RYR2: variants seen among roughly 807,000 people sequenced by gnomAD.
RYR2 encodes the protein cardiac muscle ryanodine receptor-calcium release channel.
RYR2 carries 227 observed loss-of-function variants against 601.1 expected under a neutral mutation model. That is an observed-to-expected ratio of 0.38 (90% CI 0.34 to 0.42). The LOEUF (loss-of-function observed/expected upper bound fraction) is 0.42, where lower values mean the gene tolerates loss of function less well. Among genes scored for constraint, RYR2 ranks in the 10% least tolerant of loss-of-function variants. RYR2 has a pLI of 1.00. For synonymous variants in RYR2, 2,223 were observed against 2,175.1 expected (o/e 1.02, Z -0.61); for missense variants, 4,646 against 6,156.5 (o/e 0.75, Z 8.21).
chr1:237,462,029 AAT>A (rs1659540576), intron 16 of RYR2, among the ~76,000 whole-genome samples: 1 of 152,184 alleles, frequency 6.6e-6, no homozygotes, highest in Non-Finnish European at 1.5e-5. Flanking sequence ...CATATACCTA[AAT>A]ATATACTTCA....
At chr1:237,663,022 A>C (rs1469767861) in intron 56 of RYR2, among the ~76,000 whole-genome samples, 1 of 152,202 alleles carries the variant, frequency 6.6e-6, no homozygotes, top group Non-Finnish European at 1.5e-5. Context: ...TAAATGAAAG[A>C]GTATATTTGT....
chr1:237,644,493 A>G (rs1681920209), intron 48 of RYR2, among the ~76,000 whole-genome samples: 1 of 152,070 alleles, frequency 6.6e-6, no homozygotes, highest in Non-Finnish European at 1.5e-5. Context: ...CAGCCTCCCA[A>G]AGTGCTGGGT....
intron 102 of RYR2, among the ~76,000 whole-genome samples, chr1:237,829,762 C>G (rs1379827128): frequency 6.6e-6 from 1 of 152,168 alleles, no homozygotes; most frequent in Non-Finnish European, 1.5e-5. Context: ...TGGCATAAAA[C>G]AGCTTACAAC....
Position 237,657,874 on chromosome 1 carries a change from G to A in RYR2, c.8130-70G>A, listed in dbSNP as rs988918954. 6 of 836,344 alleles carry A rather than the reference G, an allele frequency of 7.2e-6. No individual in the cohort carries two copies. The Admixed American group carries it at 8.0e-5, about 11-fold the overall frequency. The allele number at this position is 836,344 out of a possible 1,614,324, so 51.8% of individuals were successfully genotyped here. Reference sequence around the variant, plus strand: ...AGATATAAGCATTCATAAGCTGTGAGTAAATTATTAATATGATTTCCTGTA... The same window carrying A: ...AGATATAAGCATTCATAAGCTGTGAATAAATTATTAATATGATTTCCTGTA... On this transcript the variant is annotated intron_variant, in intron 53 of 104. Coordinates refer to ENST00000366574, the MANE Select transcript of RYR2 (RefSeq NM_001035.3).
intron 1 of RYR2, among the ~76,000 whole-genome samples, chr1:237,228,764 A>G (rs532338166): frequency 1.3e-5 from 2 of 152,218 alleles, no homozygotes; most frequent in East Asian, 3.9e-4. Flanking sequence ...CCTTCCTCAT[A>G]AGGGAAAAAA....
intron 22 of RYR2, among the ~76,000 whole-genome samples, 165 bp from the exon 23 acceptor site, chr1:237,506,543 GAA>G (rs368515743): frequency 4.5e-5 from 6 of 134,768 alleles, no homozygotes; most frequent in Non-Finnish European, 4.8e-5. Context: ...GTCTCAAGGG[GAA>G]AAAAAAAAAA....
chr1:237,089,783 A>G (rs1241798819), intron 1 of RYR2, among the ~76,000 whole-genome samples: 1 of 152,220 alleles, frequency 6.6e-6, no homozygotes, highest in Admixed American at 6.5e-5. Context: ...GTGGGAGTAT[A>G]TAGTGAATTT....
chr1:237,507,226 A>G (rs1191191999), intron 23 of RYR2, among the ~76,000 whole-genome samples: 1 of 152,234 alleles, frequency 6.6e-6, no homozygotes, highest in South Asian at 2.1e-4. Flanking sequence ...TTCAGTTCCA[A>G]TTGTGTGTAA....
chr1:237,811,036 T>C (rs1020235512), intron 100 of RYR2, among the ~76,000 whole-genome samples: 2 of 152,148 alleles, frequency 1.3e-5, no homozygotes, highest in Admixed American at 1.3e-4. Flanking sequence ...TGCTTTTCAT[T>C]TTATAGACTT....
chr1:237,582,603 G>GT (rs1259347290), intron 29 of RYR2, among the ~76,000 whole-genome samples: 4 of 152,066 alleles, frequency 2.6e-5, no homozygotes, highest in East Asian at 3.9e-4. Context: ...CCCAGTTTCT[G>GT]TTTTTGCCAT....
chr1:237,374,352 C>T (rs1265333936), intron 6 of RYR2, among the ~76,000 whole-genome samples: 1 of 150,554 alleles, frequency 6.6e-6, no homozygotes, highest in African/African-American at 2.5e-5. Flanking sequence ...GAGATCTCAT[C>T]TCTATGGAAA....
At chr1:237,510,539 T>C (rs903743697) in intron 23 of RYR2, among the ~76,000 whole-genome samples, 6 of 152,260 alleles carry the variant, frequency 3.9e-5, no homozygotes, top group Non-Finnish European at 8.8e-5. Context: ...TATATGATTC[T>C]ATATAAGTCT....
At chr1:237,043,308 C>T (rs1660156822) in intron 1 of RYR2, among the ~76,000 whole-genome samples, 1 of 152,098 alleles carries the variant, frequency 6.6e-6, no homozygotes, top group Non-Finnish European at 1.5e-5. Flanking sequence ...TGTGCGCGCG[C>T]GCGGGTGGTG....
chr1:237,611,532 G>A (rs957469992), intron 36 of RYR2, among the ~76,000 whole-genome samples: 9 of 152,074 alleles, frequency 5.9e-5, no homozygotes, highest in South Asian at 2.1e-4. Flanking sequence ...GTACTCAAAG[G>A]TATTTGAGTA....
chr1:237,270,706 A>G, intron 2 of RYR2, 90 bp downstream of exon 2: 1 of 1,354,822 alleles, frequency 7.4e-7, no homozygotes, highest in African/African-American at 1.5e-5. Context: ...TTTTCTGTGG[A>G]ATACATACTA....
At chr1:237,526,466 C>T (rs1359947368) in intron 24 of RYR2, among the ~76,000 whole-genome samples, 1 of 151,924 alleles carries the variant, frequency 6.6e-6, no homozygotes, top group East Asian at 1.9e-4. Flanking sequence ...TCTGCCTCAG[C>T]CTTTAGAGTA....
intron 56 of RYR2, among the ~76,000 whole-genome samples, chr1:237,663,988 C>G (rs1332670063): frequency 6.6e-6 from 1 of 152,054 alleles, no homozygotes; most frequent in Non-Finnish European, 1.5e-5. Context: ...GGGTTTTGAC[C>G]CCCTCCTTGG....
rs527835577 is a variant in RYR2, at chr1:237,087,642, T to G, written c.48+45073T>G. Among the ~76,000 whole-genome samples the G allele has an allele frequency of 2.6e-5, 4 of 152,126 alleles. No homozygotes were observed. In the East Asian group the frequency reaches 7.7e-4, roughly 29 times the overall value. On this transcript the variant is annotated intron_variant, in intron 1 of 104. Coordinates refer to ENST00000366574, the MANE Select transcript of RYR2 (RefSeq NM_001035.3). ...TTCGTATATCTTGTTAGAAACCAAG[T>G]GCATGGAAGTTGAATTTATCAGTGG...
chr1:237,170,306 C>G (rs530207889), intron 1 of RYR2, among the ~76,000 whole-genome samples: 69 of 152,234 alleles, frequency 4.5e-4, no homozygotes, highest in African/African-American at 1.5e-3. Flanking sequence ...AGAGAAGCAG[C>G]AAGTGCCAGG....
Sources: allele counts gnomAD v4.1 joint callset (sites outside exome capture counted in the v4.1 genomes callset), GRCh38; gene constraint gnomAD v4.1.1; transcripts MANE v1.5; gene names NCBI Gene and HGNC (gene_info 2026-07-23, HGNC 2026-07-21).